The following SYNE2 variants were observed in gnomAD, a reference collection of about 807,000 sequenced individuals.
SYNE2 encodes the protein nesprin-2.
SYNE2 carries 431 observed loss-of-function variants against 856.3 expected under a neutral mutation model. The observed-to-expected ratio is 0.50, with a 90% CI of 0.47 to 0.55. SYNE2 has a LOEUF of 0.55. Among genes scored for constraint, SYNE2 ranks in the 20% least tolerant of loss-of-function variants. SYNE2 has a pLI of 0.00. For synonymous variants in SYNE2, 2,923 were observed against 2,872.3 expected (o/e 1.02, Z -0.56); for missense variants, 8,129 against 8,023.2 (o/e 1.01, Z -0.50).
At chr14:63,938,576 G>A (rs982926525) in intron 2 of SYNE2, among the ~76,000 whole-genome samples, 2 of 152,128 alleles carry the variant, frequency 1.3e-5, no homozygotes, top group Non-Finnish European at 2.9e-5. Context: ...CAAAGCTAGG[G>A]GATTTCAGGG....
At chr14:64,176,070 C>T (rs556586402) in intron 95 of SYNE2, among the ~76,000 whole-genome samples, 1 of 152,304 alleles carries the variant, frequency 6.6e-6, no homozygotes, top group East Asian at 1.9e-4. Context: ...AGTGGCCTCC[C>T]TTCAGTGAGA....
At chr14:64,089,752 C>A in intron 59 of SYNE2, 56 bp downstream of exon 59, 1 of 1,365,926 alleles carries the variant, frequency 7.3e-7, no homozygotes, top group Non-Finnish European at 1.0e-6. Context: ...ATGTCTTTTT[C>A]AAAATATAAT....
At chr14:63,938,617 G>A (rs1431480295) in intron 2 of SYNE2, among the ~76,000 whole-genome samples, 2 of 152,100 alleles carry the variant, frequency 1.3e-5, no homozygotes, top group African/African-American at 4.8e-5. Flanking sequence ...ACTGGAGGTG[G>A]CCATGAGGAG....
At chr14:64,185,747 C>T (rs1323570564) in intron 96 of SYNE2, among the ~76,000 whole-genome samples, 1 of 152,140 alleles carries the variant, frequency 6.6e-6, no homozygotes, top group Non-Finnish European at 1.5e-5. Context: ...TCTTGAACTC[C>T]TGACCTCAGG....
At chr14:63,903,708 G>A (rs1329209708) in intron 1 of SYNE2, among the ~76,000 whole-genome samples, 1 of 151,598 alleles carries the variant, frequency 6.6e-6, no homozygotes, top group African/African-American at 2.4e-5. Flanking sequence ...TTAACAACTT[G>A]TCTTTATTGT....
chr14:64,163,260 C>T, intron 88 of SYNE2, 142 bp from the exon 89 acceptor site: 2 of 1,030,898 alleles, frequency 1.9e-6, no homozygotes, highest in Non-Finnish European at 2.9e-6. Flanking sequence ...GCCTTTTCAG[C>T]TATTTAAAAT....
At chr14:63,988,350 T>A (rs2096641392) in intron 19 of SYNE2, among the ~76,000 whole-genome samples, 1 of 152,262 alleles carries the variant, frequency 6.6e-6, no homozygotes, top group Non-Finnish European at 1.5e-5. Context: ...AGTGCTGGGA[T>A]TGTAGGCGTG....
At chr14:64,120,783 TTATAG>T (rs66948137) in intron 67 of SYNE2, 139 bp from the exon 68 acceptor site, 10,536 of 828,320 alleles carry the variant, frequency 0.013, 99 homozygotes, top group Non-Finnish European at 0.017. Flanking sequence ...AAACAAAAAA[TTATAG>T]TATATAATTA....
chr14:63,943,674 TATTA>T (rs138187591), intron 6 of SYNE2, among the ~76,000 whole-genome samples: 493 of 145,666 alleles, frequency 3.4e-3, no homozygotes, highest in African/African-American at 0.011. Context: ...TACTTATTAT[TATTA>T]TTTTTTTTTT....
chr14:64,031,904 G>A (rs1265042216), intron 45 of SYNE2, among the ~76,000 whole-genome samples: 1 of 152,216 alleles, frequency 6.6e-6, no homozygotes, highest in African/African-American at 2.4e-5. Flanking sequence ...AATCACATGA[G>A]TACATTTCTT....
intron 1 of SYNE2, among the ~76,000 whole-genome samples, chr14:63,822,778 T>C (rs1889270587): frequency 6.6e-6 from 1 of 152,080 alleles, no homozygotes; most frequent in Admixed American, 6.6e-5. Flanking sequence ...AGTGCTTAAT[T>C]TGAAATTTAT....
intron 79 of SYNE2, among the ~76,000 whole-genome samples, chr14:64,138,897 T>G (rs1394979671): frequency 6.6e-6 from 1 of 150,460 alleles, no homozygotes; most frequent in African/African-American, 2.5e-5. Flanking sequence ...GTTATACAGC[T>G]TATACAAATG....
At chr14:64,111,046 G>C (rs1233799870) in intron 65 of SYNE2, among the ~76,000 whole-genome samples, 1 of 152,048 alleles carries the variant, frequency 6.6e-6, no homozygotes, top group Non-Finnish European at 1.5e-5. Flanking sequence ...TGAGAAAGCA[G>C]AGAAACTCAA....
intron 80 of SYNE2, 65 bp downstream of exon 80, chr14:64,140,138 C>T (rs2098128211): frequency 6.6e-7 from 1 of 1,513,686 alleles, no homozygotes; most frequent in Non-Finnish European, 9.1e-7. Context: ...GAAAAAGCAT[C>T]AGGGTTGATG....
chr14:63,864,497 A>T (rs150684879), intron 1 of SYNE2: 5 of 152,292 alleles, frequency 3.3e-5, no homozygotes, highest in African/African-American at 1.2e-4. Flanking sequence ...GTGAGTCATC[A>T]TGTTGTCTTG....
intron 32 of SYNE2, among the ~76,000 whole-genome samples, chr14:64,012,945 A>C (rs983954281): frequency 2.0e-5 from 3 of 152,222 alleles, no homozygotes; most frequent in Admixed American, 6.5e-5. Context: ...TGTCCTTCAA[A>C]ACTGTAGTAA....
intron 1 of SYNE2, among the ~76,000 whole-genome samples, chr14:63,805,487 C>T (rs1238904688): frequency 6.6e-6 from 1 of 152,154 alleles, no homozygotes; most frequent in African/African-American, 2.4e-5. Flanking sequence ...CCCGGGTTCA[C>T]GCCATTCTCC....
rs766895263 is a variant in SYNE2 at position 64,137,859 on chromosome 14, G to T, written c.14719G>T (p.Ala4907Ser). Residue 4907 changes from alanine (A) to serine (S), a missense_variant, in exon 79 of 116, where the codon GCG (alanine) becomes TCG (serine). Ala to Ser is a moderately conservative substitution (Grantham distance 99, BLOSUM62 1). Coordinates refer to ENST00000555002, the MANE Select transcript of SYNE2 (RefSeq NM_182914.3). ...TCTGAACGAAGGCAAACAGTTGGTG[G>T]CGTCTGTGAGCTGTCCTGAATTAGA... ...QTLNEGKQLVASVSCPELEGQ... is the reference protein window; with the variant it reads ...QTLNEGKQLVSSVSCPELEGQ... 6.2e-7 allele frequency: 1 copy of T among 1,614,204 alleles called. No homozygotes were observed. The highest frequency in any genetic ancestry group is 8.5e-7 in the Non-Finnish European group (1 of 1,180,040).
chr14:63,836,616 A>G (rs1889866583), intron 1 of SYNE2, among the ~76,000 whole-genome samples: 1 of 152,138 alleles, frequency 6.6e-6, no homozygotes, highest in Non-Finnish European at 1.5e-5. Context: ...TTGTGCCTTC[A>G]AAATATAGCC....
Sources: gnomAD v4.1 joint callset for allele counts (sites outside exome capture counted in the v4.1 genomes callset) on GRCh38, gnomAD v4.1.1 for gene constraint, MANE v1.5 for transcripts, NCBI Gene and HGNC (gene_info 2026-07-23, HGNC 2026-07-21) for gene names.